The following CEP104 variants were observed in gnomAD, a reference collection of about 807,000 sequenced individuals.
CEP104 encodes centrosomal protein of 104 kDa.
CEP104 carries 84 observed loss-of-function variants against 113.3 expected under a neutral mutation model. The ratio of observed to expected loss-of-function variants is 0.74; its 90% confidence interval spans 0.62 to 0.89. The LOEUF is 0.89. Ranked by LOEUF, CEP104 falls within the 40% of genes least tolerant of loss-of-function variation. The probability of loss-of-function intolerance (pLI) is 0.00; values close to 1 mark genes in which losing one functional copy is unlikely to be tolerated. For missense variants in CEP104, 1,053 were observed against 1,156.6 expected, an observed-to-expected ratio of 0.91 and a Z score of 1.30; for synonymous variants, 378 against 421.7, an observed-to-expected ratio of 0.90 and a Z score of 1.27.
At chr1:3,829,244 G>A (rs1372109081) in intron 15 of CEP104, 22 bp downstream of exon 15, 8 of 1,497,324 alleles carry the variant, frequency 5.3e-6, no homozygotes, top group Admixed American at 4.3e-5. Flanking sequence ...GCACACAGGT[G>A]AAAGACGTGT....
At chr1:3,851,025 GGA>G (rs1368999839) in intron 2 of CEP104, among the ~76,000 whole-genome samples, 2 of 152,230 alleles carry the variant, frequency 1.3e-5, no homozygotes, top group East Asian at 1.9e-4. Context: ...GAGTCTGGGA[GGA>G]GAGGGCAGAG....
In CEP104 at chr1:3,833,868, A is replaced by G. The variant is rs141730324; in HGVS notation, c.1653T>C (p.Phe551=). 4.1e-4 allele frequency: 657 copies of G among 1,614,242 alleles called. 1 individual carries two copies. The highest frequency in any genetic ancestry group is 8.7e-4 in the Admixed American group (52 of 60,030). The change falls in exon 12 of 22, where the codon TTT becomes TTC. Residue 551 remains phenylalanine, a synonymous_variant. Transcript: ENST00000378230. ...GCCGTGGTGAAGTTCAGACCTGAATAAAATTTGCAGCTGTGACGCGGAGGC... is the reference window on the plus strand; with the variant it reads ...GCCGTGGTGAAGTTCAGACCTGAATGAAATTTGCAGCTGTGACGCGGAGGC... ...SARLRVTAAN[F]IQEMALFKEV... is the part of the protein sequence containing the mutation.
intron 21 of CEP104, 76 bp downstream of exon 21, chr1:3,816,204 T>C (rs1570757502): frequency 2.3e-6 from 3 of 1,302,254 alleles, no homozygotes; most frequent in South Asian, 2.8e-5. Flanking sequence ...CATGTTGCCC[T>C]GGACGGGGAT....
chr1:3,836,785 T>C, intron 9 of CEP104, 93 bp from the exon 10 acceptor site: 2 of 1,024,294 alleles, frequency 2.0e-6, no homozygotes, highest in East Asian at 2.5e-5. Context: ...CTGCGCTTAC[T>C]TACCTGATCT....
At position 3,852,494 on chromosome 1, in the gene CEP104, T is replaced by G; in HGVS notation, c.-14-73A>C. ...AACACATGGACATTTAAAGGGTTGG[T>G]TCATGCCTTGCTAACACACACAATA... On this transcript the variant is annotated intron_variant, in intron 1 of 21. Coordinates refer to ENST00000378230, the MANE Select transcript of CEP104 (RefSeq NM_014704.4). The G allele has an allele frequency of 2.9e-6, 4 of 1,390,702 alleles. No homozygotes were observed. The South Asian group carries it at 5.5e-5, about 19-fold the overall frequency. 86.1% of individuals were successfully genotyped at this position (1,390,702 alleles called of 1,614,324 possible).
intron 13 of CEP104, among the ~76,000 whole-genome samples, chr1:3,830,556 G>A (rs1447800187): frequency 6.6e-6 from 1 of 151,898 alleles, no homozygotes; most frequent in African/African-American, 2.4e-5. Context: ...GGCGGATCAC[G>A]AGGTCAGGAG....
intron 20 of CEP104, among the ~76,000 whole-genome samples, chr1:3,818,604 C>T (rs754995640): frequency 3.5e-4 from 54 of 152,328 alleles, no homozygotes; most frequent in Non-Finnish European, 6.9e-4. Flanking sequence ...CCCACTCTTC[C>T]GCTCAAACCC....
At chr1:3,815,955 G>T (rs1643873940) in intron 21 of CEP104, among the ~76,000 whole-genome samples, 1 of 152,176 alleles carries the variant, frequency 6.6e-6, no homozygotes, top group African/African-American at 2.4e-5. Flanking sequence ...TTATAGGCGT[G>T]AGCCACTGTG....
chr1:3,845,621 G>A (rs756067939), intron 4 of CEP104, among the ~76,000 whole-genome samples: 9 of 151,996 alleles, frequency 5.9e-5, no homozygotes, highest in Admixed American at 1.3e-4. Context: ...TGCCCAGGCT[G>A]GACTTAACCC....
Position 3,815,209 on chromosome 1 carries a change from A to G in CEP104, c.*193T>C. ...GCCAGGTCCTGGCACTGCACGCAGG[A>G]TCTTTGGTTAGCTGCATCCATATCG... On this transcript the variant is annotated 3_prime_UTR_variant, in exon 22 of 22. Coordinates refer to ENST00000378230, the MANE Select transcript of CEP104 (RefSeq NM_014704.4). 1.7e-6 allele frequency: 1 copy of G among 587,376 alleles called. No homozygotes were observed. Among genetic ancestry groups the G allele is most frequent in the East Asian group, 2.9e-5 (1 of 34,728 alleles). The allele number at this position is 587,376 out of a possible 1,614,324, so 36.4% of individuals were successfully genotyped here.
intron 3 of CEP104, 123 bp from the exon 4 acceptor site, chr1:3,847,736 C>A: frequency 1.0e-6 from 1 of 982,342 alleles, no homozygotes; most frequent in Non-Finnish European, 1.5e-6. Context: ...GCTAGACTAC[C>A]CCTATGCAGG....
chr1:3,828,135 G>A (rs1269985691), intron 15 of CEP104, among the ~76,000 whole-genome samples: 2 of 152,100 alleles, frequency 1.3e-5, no homozygotes, highest in Non-Finnish European at 2.9e-5. Context: ...CCAGGTCCTG[G>A]GCTGTGGTGA....
intron 2 of CEP104, among the ~76,000 whole-genome samples, chr1:3,849,419 T>C (rs1644570841): frequency 6.6e-6 from 1 of 152,120 alleles, no homozygotes; most frequent in African/African-American, 2.4e-5. Context: ...TGTGCCACTG[T>C]GCCTGGCTAA....
At position 3,815,195 on chromosome 1, in the gene CEP104, G is replaced by A. The variant is rs1570754847; in HGVS notation, c.*207C>T. 2 of 576,914 alleles carry A rather than the reference G, an allele frequency of 3.5e-6. No individual in the cohort carries two copies. The highest frequency in any genetic ancestry group is 5.9e-5 in the East Asian group (2 of 34,036). The allele number at this position is 576,914 out of a possible 1,614,324, so 35.7% of individuals were successfully genotyped here. On this transcript the variant is annotated 3_prime_UTR_variant, in exon 22 of 22. Coordinates refer to ENST00000378230, the MANE Select transcript of CEP104 (RefSeq NM_014704.4). ...TAATGTACAGTGCGGCCAGGTCCTG[G>A]CACTGCACGCAGGATCTTTGGTTAG...
At chr1:3,841,081 C>T (rs907037298) in intron 6 of CEP104, among the ~76,000 whole-genome samples, 3 of 152,126 alleles carry the variant, frequency 2.0e-5, no homozygotes, top group African/African-American at 4.8e-5. Flanking sequence ...GTTAGTCTCA[C>T]CAAGCAACGA....
chr1:3,829,633 A>C, intron 14 of CEP104, 158 bp downstream of exon 14: 1 of 790,568 alleles, frequency 1.3e-6, no homozygotes, highest in Non-Finnish European at 2.0e-6. Context: ...AGCAGCCGGG[A>C]TCTGAATGCG....
At chr1:3,848,855 T>C in intron 2 of CEP104, 74 bp from the exon 3 acceptor site, 2 of 1,296,004 alleles carry the variant, frequency 1.5e-6, no homozygotes, top group South Asian at 1.3e-5. Context: ...ATCTCATTCT[T>C]GCAGGTAAGA....
intron 2 of CEP104, among the ~76,000 whole-genome samples, chr1:3,851,194 G>A (rs990995596): frequency 4.7e-4 from 71 of 152,070 alleles, no homozygotes; most frequent in African/African-American, 1.6e-3. Flanking sequence ...TGACAAAGGC[G>A]CTGTCTGGCC....
At position 3,819,510 on chromosome 1, in the gene CEP104, T is replaced by C. The variant is rs1023334585; in HGVS notation, c.2572-3140A>G. On this transcript the variant is annotated intron_variant, in intron 20 of 21. Transcript: ENST00000378230. This position sits in a 1 kb window ranked among gnomAD's most constrained non-coding sequence, Gnocchi z 4.6. ...ATCTTAATGAGTGAACAGAGGTGAA[T>C]CTCAGCAGAGAAATGAAACCTGTAA... Among the ~76,000 whole-genome samples the C allele has an allele frequency of 2.6e-5, 4 of 152,048 alleles. No homozygotes were observed. The highest frequency in any genetic ancestry group is 9.7e-5 in the African/African-American group (4 of 41,384).
Sources: gnomAD v4.1 joint callset for allele counts (sites outside exome capture counted in the v4.1 genomes callset) on GRCh38, gnomAD v4.1.1 for gene constraint, Gnocchi (gnomAD v3.1) non-coding constraint, MANE v1.5 for transcripts, NCBI Gene and HGNC (gene_info 2026-07-23, HGNC 2026-07-21) for gene names.